The following SYNPO2 variants were observed in gnomAD, a reference collection of about 807,000 sequenced individuals.
SYNPO2 encodes the protein synaptopodin-2.
A neutral mutation model predicts 85.0 loss-of-function variants in SYNPO2; 56 were observed. That is an observed-to-expected ratio of 0.66 (90% CI 0.53 to 0.82). The LOEUF is 0.82. Among genes scored for constraint, SYNPO2 ranks in the 40% least tolerant of loss-of-function variants. SYNPO2 has a pLI of 0.00. For missense variants in SYNPO2, 1,575 were observed against 1,534.2 expected (o/e 1.03, Z -0.44); for synonymous variants, 602 against 591.1 (o/e 1.02, Z -0.27).
intron 1 of SYNPO2, among the ~76,000 whole-genome samples, chr4:118,871,811 C>T (rs528081095): frequency 2.0e-5 from 3 of 152,228 alleles, no homozygotes; most frequent in South Asian, 2.1e-4. Context: ...CCTCGTAATC[C>T]GCCCGCCTTG....
intron 1 of SYNPO2, among the ~76,000 whole-genome samples, chr4:118,964,913 C>A (rs567708349): frequency 6.6e-6 from 1 of 152,236 alleles, no homozygotes; most frequent in East Asian, 1.9e-4. Flanking sequence ...TAGCTGGGAC[C>A]TCCTGGCTCG....
At chr4:118,853,424 A>G (rs892778435) in intron 1 of SYNPO2, among the ~76,000 whole-genome samples, 1 of 152,130 alleles carries the variant, frequency 6.6e-6, no homozygotes, top group Non-Finnish European at 1.5e-5. Context: ...GCATTGCAAC[A>G]AAATGTCGGC....
At chr4:118,866,407 C>A (rs1264207779) in intron 1 of SYNPO2, among the ~76,000 whole-genome samples, 1 of 152,164 alleles carries the variant, frequency 6.6e-6, no homozygotes, top group African/African-American at 2.4e-5. Flanking sequence ...CGAAAATGGT[C>A]AAGGCTTTGC....
At chr4:118,883,488 C>G (rs1052334875) in intron 1 of SYNPO2, among the ~76,000 whole-genome samples, 1 of 151,966 alleles carries the variant, frequency 6.6e-6, no homozygotes, top group African/African-American at 2.4e-5. Context: ...CATGTTAGGC[C>G]CAGAAATCTT....
At chr4:118,904,526 TA>T (rs1732868509) in intron 1 of SYNPO2, among the ~76,000 whole-genome samples, 1 of 152,070 alleles carries the variant, frequency 6.6e-6, no homozygotes, top group African/African-American at 2.4e-5. Flanking sequence ...TAAAAGAAAA[TA>T]AATTGTCCTT....
intron 1 of SYNPO2, among the ~76,000 whole-genome samples, chr4:118,957,976 A>G (rs1734938222): frequency 6.6e-6 from 1 of 152,142 alleles, no homozygotes; most frequent in Admixed American, 6.6e-5. Flanking sequence ...ATCCCCCTCC[A>G]CTTATGTGGA....
At chr4:119,036,403 T>C (rs931585189) in intron 4 of SYNPO2, 15 of 985,340 alleles carry the variant, frequency 1.5e-5, no homozygotes, top group Non-Finnish European at 1.8e-5. Flanking sequence ...ATCATTGGAC[T>C]CTGGGGGACA....
At chr4:119,018,219 C>T (rs1193979553) in intron 1 of SYNPO2, among the ~76,000 whole-genome samples, 1 of 152,096 alleles carries the variant, frequency 6.6e-6, no homozygotes, top group African/African-American at 2.4e-5. Context: ...TTGCACATGG[C>T]TTGTTTCACT....
chr4:118,894,799 A>G (rs1380382342), intron 1 of SYNPO2, among the ~76,000 whole-genome samples: 1 of 152,094 alleles, frequency 6.6e-6, no homozygotes, highest in Non-Finnish European at 1.5e-5. Context: ...ACCTAATAGC[A>G]AAAAGCATCC....
At chr4:118,866,634 C>A (rs955348530) in intron 1 of SYNPO2, among the ~76,000 whole-genome samples, 1 of 152,130 alleles carries the variant, frequency 6.6e-6, no homozygotes, top group Non-Finnish European at 1.5e-5. Flanking sequence ...TGTTGAATTG[C>A]AAAGTGAGAG....
chr4:119,043,726 T>A (rs1319516188), intron 4 of SYNPO2: 1 of 152,008 alleles, frequency 6.6e-6, no homozygotes, highest in Non-Finnish European at 1.5e-5. Context: ...TCACTTGAGG[T>A]CAGGAGTTTA....
chr4:118,911,688 A>G (rs962333813), intron 1 of SYNPO2, among the ~76,000 whole-genome samples: 8 of 152,228 alleles, frequency 5.3e-5, no homozygotes, highest in African/African-American at 1.7e-4. Flanking sequence ...AGGTTTTGCC[A>G]TCTCACCATC....
At chr4:118,854,625 C>T (rs188649773) in intron 1 of SYNPO2, among the ~76,000 whole-genome samples, 5 of 152,028 alleles carry the variant, frequency 3.3e-5, no homozygotes, top group Admixed American at 1.3e-4. Context: ...AAAATCAATA[C>T]GAATTTTAGT....
chr4:118,953,567 C>T (rs560819793), intron 1 of SYNPO2, among the ~76,000 whole-genome samples: 1 of 150,468 alleles, frequency 6.6e-6, no homozygotes, highest in Non-Finnish European at 1.5e-5. Flanking sequence ...AAAGGAGAGA[C>T]TCTGGAGGAC....
chr4:118,973,397 C>T (rs991555118), intron 1 of SYNPO2, among the ~76,000 whole-genome samples: 1 of 151,742 alleles, frequency 6.6e-6, no homozygotes, highest in Non-Finnish European at 1.5e-5. Flanking sequence ...CTTCCTTTCA[C>T]GGTGGTGCTG....
At chr4:119,038,046 C>A in intron 4 of SYNPO2, 2 of 751,122 alleles carry the variant, frequency 2.7e-6, no homozygotes, top group Non-Finnish European at 1.6e-6. Flanking sequence ...ACAACTTGTG[C>A]AACAATCACT....
At chr4:118,929,617 C>T (rs1733852688) in intron 1 of SYNPO2, among the ~76,000 whole-genome samples, 1 of 152,002 alleles carries the variant, frequency 6.6e-6, no homozygotes. Context: ...TTCTCCAAAT[C>T]CTCATTTTTT....
At chr4:118,939,817 T>C (rs115109825) in intron 1 of SYNPO2, among the ~76,000 whole-genome samples, 1,971 of 152,238 alleles carry the variant, frequency 0.013, 23 homozygotes, top group Non-Finnish European at 0.023. Flanking sequence ...CCTAATAGAG[T>C]TACCCGTCAT....
chr4:118,977,197 G>A (rs1735803938), intron 1 of SYNPO2, among the ~76,000 whole-genome samples: 2 of 152,362 alleles, frequency 1.3e-5, no homozygotes, highest in East Asian at 1.9e-4. Context: ...CCTGCCCCGT[G>A]GGAAGGCAGC....
Sources: allele counts gnomAD v4.1 joint callset (sites outside exome capture counted in the v4.1 genomes callset), GRCh38; gene constraint gnomAD v4.1.1; transcripts MANE v1.5; gene names NCBI Gene and HGNC (gene_info 2026-07-23, HGNC 2026-07-21).